Variants in ACAP2 observed in about 807,000 individuals in gnomAD.
The protein encoded by ACAP2 is arf-GAP with coiled-coil, ANK repeat and PH domain-containing protein 2.
In ACAP2, 39 loss-of-function variants were observed where a neutral mutation model predicts 115.8. That is an observed-to-expected ratio of 0.34 (90% CI 0.26 to 0.44). ACAP2 has a LOEUF of 0.44. ACAP2 is among the 20% of genes least tolerant of loss of function. ACAP2 has a pLI of 1.00. For synonymous variants in ACAP2, 289 were observed against 315.8 expected (o/e 0.92, Z 0.90); for missense variants, 662 against 927.6 (o/e 0.71, Z 3.72).
intron 4 of ACAP2, among the ~76,000 whole-genome samples, chr3:195,354,540 T>C (rs1731827408): frequency 6.6e-6 from 1 of 152,202 alleles, no homozygotes; most frequent in African/African-American, 2.4e-5. Context: ...TGTTTTTCTT[T>C]ATAATTTAAG....
At chr3:195,341,113 C>A (rs1417772989) in intron 6 of ACAP2, among the ~76,000 whole-genome samples, 2 of 152,072 alleles carry the variant, frequency 1.3e-5, no homozygotes, top group Non-Finnish European at 1.5e-5. Context: ...AGGTAATTCC[C>A]TAAGCATTAA....
At chr3:195,380,628 T>G (rs1399115173) in intron 4 of ACAP2, among the ~76,000 whole-genome samples, 2 of 152,206 alleles carry the variant, frequency 1.3e-5, no homozygotes, top group African/African-American at 4.8e-5. Flanking sequence ...GGGAATATAT[T>G]GGTAAGTATC....
At chr3:195,322,714 T>C (rs867190397) in intron 9 of ACAP2, among the ~76,000 whole-genome samples, 15 of 152,354 alleles carry the variant, frequency 9.8e-5, no homozygotes, top group Middle Eastern at 6.8e-3. Flanking sequence ...ATAATTGACT[T>C]TGTTAACATT....
In ACAP2 at chr3:195,302,160, T is replaced by C; in HGVS notation, c.1131A>G (p.Lys377=). ...KGDESEKLDK[K]SSPSTGSLDS... ...CTAGGCTTCCTGTGGATGGAGATGA[T>C]TTCTTATCCAGCTTCTAAAAGAATT... The change falls in exon 14 of 23, where the codon AAA becomes AAG. Residue 377 remains lysine (K), a synonymous_variant. Coordinates refer to ENST00000326793, the MANE Select transcript of ACAP2 (RefSeq NM_012287.6). The C allele has an allele frequency of 6.2e-7, 1 of 1,611,968 alleles. No homozygotes were observed. The highest frequency in any genetic ancestry group is 8.5e-7 in the Non-Finnish European group (1 of 1,179,284).
At chr3:195,328,287 A>AT (rs543949410) in intron 8 of ACAP2, among the ~76,000 whole-genome samples, 4 of 152,160 alleles carry the variant, frequency 2.6e-5, no homozygotes, top group African/African-American at 9.7e-5. Flanking sequence ...TTTAAGTTAT[A>AT]TTTTTTTAAA....
chr3:195,315,607 C>G (rs772464379), intron 10 of ACAP2, among the ~76,000 whole-genome samples: 3 of 152,182 alleles, frequency 2.0e-5, no homozygotes, highest in Non-Finnish European at 4.4e-5. Context: ...TGTTCACAAA[C>G]CAGCTGTGTG....
chr3:195,367,417 C>T (rs142341813), intron 4 of ACAP2, among the ~76,000 whole-genome samples: 57 of 152,234 alleles, frequency 3.7e-4, no homozygotes, highest in African/African-American at 1.3e-3. Context: ...ATAAATAAAA[C>T]TCTGGGGGAA....
intron 4 of ACAP2, among the ~76,000 whole-genome samples, chr3:195,358,698 T>C (rs1309328966): frequency 6.6e-6 from 1 of 151,800 alleles, no homozygotes; most frequent in Non-Finnish European, 1.5e-5. Flanking sequence ...TAAAAAAGAA[T>C]GAAGCATCCC....
intron 10 of ACAP2, among the ~76,000 whole-genome samples, chr3:195,318,397 T>C (rs1478069141): frequency 2.6e-5 from 4 of 152,154 alleles, no homozygotes; most frequent in South Asian, 2.1e-4. Flanking sequence ...TGAGGAAAAG[T>C]TTGGAACTTC....
At chr3:195,303,840 A>G (rs1223066221) in intron 13 of ACAP2, among the ~76,000 whole-genome samples, 1 of 152,116 alleles carries the variant, frequency 6.6e-6, no homozygotes, top group Non-Finnish European at 1.5e-5. Flanking sequence ...ACAATGACAG[A>G]TATGGTCTAT....
chr3:195,411,221 G>A (rs1577437025), intron 1 of ACAP2, among the ~76,000 whole-genome samples: 1 of 152,084 alleles, frequency 6.6e-6, no homozygotes. Flanking sequence ...AAGTACTATG[G>A]CAACACTTCA....
chr3:195,385,891 T>C (rs1323235725), intron 2 of ACAP2, among the ~76,000 whole-genome samples: 1 of 152,120 alleles, frequency 6.6e-6, no homozygotes, highest in Non-Finnish European at 1.5e-5. Flanking sequence ...GGAAGGGACA[T>C]GAAAGTCTCT....
chr3:195,285,813 CCTT>C lies in ACAP2; in HGVS notation c.2216_2218del (p.Glu739del), dbSNP rs1384573662. On this transcript the variant is annotated inframe_deletion, in exon 22 of 23. Transcript: ENST00000326793. ...ATATTGACCTGGCTGTCCATAAAGT[CCTT>C]CTGATTCCCGCATCTCTTCATTCAT... The C allele has an allele frequency of 6.2e-7, 1 of 1,612,338 alleles. No individual in the cohort carries two copies. Among genetic ancestry groups the C allele is most frequent in the African/African-American group, 1.3e-5 (1 of 74,864 alleles).
chr3:195,297,994 G>T (rs80146060), intron 15 of ACAP2, among the ~76,000 whole-genome samples: 3,287 of 152,108 alleles, frequency 0.022, 117 homozygotes, highest in East Asian at 0.1. Context: ...AAAACAAACA[G>T]TTTTCCCAAG....
chr3:195,357,057 G>A (rs968440475), intron 4 of ACAP2, among the ~76,000 whole-genome samples: 5 of 151,904 alleles, frequency 3.3e-5, no homozygotes, highest in South Asian at 2.1e-4. Flanking sequence ...AACACTGGAC[G>A]GCACCTCTGG....
chr3:195,440,102 A>AC (rs1715885757), intron 1 of ACAP2, among the ~76,000 whole-genome samples: 1 of 152,204 alleles, frequency 6.6e-6, no homozygotes, highest in African/African-American at 2.4e-5. Context: ...GGCACTTTAC[A>AC]TTCCTGTAGA....
intron 1 of ACAP2, among the ~76,000 whole-genome samples, chr3:195,440,111 G>C (rs1394283844): frequency 1.3e-5 from 2 of 152,092 alleles, no homozygotes; most frequent in African/African-American, 2.4e-5. Context: ...CATTCCTGTA[G>C]ATTTTTAGAT....
intron 1 of ACAP2, among the ~76,000 whole-genome samples, chr3:195,395,503 T>C (rs1711684243): frequency 6.6e-6 from 1 of 152,192 alleles, no homozygotes; most frequent in Non-Finnish European, 1.5e-5. Flanking sequence ...TGAAAAATAT[T>C]TTTAAAAAAT....
At chr3:195,442,510 T>TCC (rs763285947) in intron 1 of ACAP2, among the ~76,000 whole-genome samples, 1 of 151,790 alleles carries the variant, frequency 6.6e-6, no homozygotes, top group Non-Finnish European at 1.5e-5. Flanking sequence ...GCACCCCATT[T>TCC]CCCCCAGCGG....
Sources: allele counts gnomAD v4.1 joint callset (sites outside exome capture counted in the v4.1 genomes callset), GRCh38; gene constraint gnomAD v4.1.1; transcripts MANE v1.5; gene names NCBI Gene and HGNC (gene_info 2026-07-23, HGNC 2026-07-21).